Variants in CSMD3 observed in about 807,000 individuals in gnomAD.
The protein encoded by CSMD3 is CUB and sushi domain-containing protein 3.
A neutral mutation model predicts 435.2 loss-of-function variants in CSMD3; 177 were observed. That is an observed-to-expected ratio of 0.41 (90% CI 0.36 to 0.46). The LOEUF is 0.46. CSMD3 is among the 20% of genes least tolerant of loss of function. The pLI, the probability that CSMD3 is intolerant of heterozygous loss-of-function variation, is 0.34. For missense variants in CSMD3, 4,265 were observed against 4,504.6 expected (o/e 0.95, Z 1.52); for synonymous variants, 1,656 against 1,520.5 (o/e 1.09, Z -2.07).
chr8:113,308,514 T>C (rs899615828), intron 2 of CSMD3, among the ~76,000 whole-genome samples: 1 of 152,162 alleles, frequency 6.6e-6, no homozygotes, highest in African/African-American at 2.4e-5. Flanking sequence ...GTGATCCGCC[T>C]GCCTCGGCCT....
chr8:112,571,916 A>C (rs1829556930), intron 24 of CSMD3, among the ~76,000 whole-genome samples: 1 of 151,718 alleles, frequency 6.6e-6, no homozygotes, highest in Admixed American at 6.6e-5. Flanking sequence ...AAATAAAAGA[A>C]ATGCAACATG....
intron 5 of CSMD3, among the ~76,000 whole-genome samples, chr8:113,034,095 T>C (rs898196488): frequency 6.6e-6 from 1 of 151,650 alleles, no homozygotes; most frequent in Non-Finnish European, 1.5e-5. Context: ...AATTAACCTC[T>C]TTTGTTTATA....
chr8:112,339,049 T>C (rs992156156), intron 42 of CSMD3, among the ~76,000 whole-genome samples: 4 of 151,902 alleles, frequency 2.6e-5, no homozygotes, highest in Non-Finnish European at 5.9e-5. Flanking sequence ...TCAAACTAAA[T>C]TGAAAGGAAA....
At chr8:113,187,134 T>C (rs1409678314) in intron 3 of CSMD3, among the ~76,000 whole-genome samples, 2 of 151,668 alleles carry the variant, frequency 1.3e-5, no homozygotes, top group Admixed American at 6.6e-5. Flanking sequence ...TTCACTTTGC[T>C]GGGAGTTTTT....
chr8:112,561,339 C>CTGATA (rs1469167021), intron 24 of CSMD3, among the ~76,000 whole-genome samples: 2 of 151,732 alleles, frequency 1.3e-5, no homozygotes, highest in African/African-American at 4.8e-5. Context: ...CAAAAATGAA[C>CTGATA]TGATAATCCC....
intron 37 of CSMD3, among the ~76,000 whole-genome samples, chr8:112,381,486 C>A (rs1434860014): frequency 6.6e-6 from 1 of 152,206 alleles, no homozygotes; most frequent in African/African-American, 2.4e-5. Context: ...AATTCTACAT[C>A]TTAAGACATA....
chr8:113,264,931 T>C (rs2093457290), intron 3 of CSMD3, among the ~76,000 whole-genome samples: 1 of 151,612 alleles, frequency 6.6e-6, no homozygotes. Context: ...ATCAGCTGAG[T>C]TTAACAAGCA....
intron 8 of CSMD3, among the ~76,000 whole-genome samples, chr8:112,951,878 A>C (rs2083827298): frequency 6.6e-6 from 1 of 151,042 alleles, no homozygotes; most frequent in Admixed American, 6.6e-5. Flanking sequence ...TGAGTGGATA[A>C]TATGAATGAA....
At chr8:113,159,219 G>T (rs2091991589) in intron 4 of CSMD3, among the ~76,000 whole-genome samples, 1 of 151,580 alleles carries the variant, frequency 6.6e-6, no homozygotes, top group Non-Finnish European at 1.5e-5. Flanking sequence ...ATAAAAATAT[G>T]TATAATATGT....
At chr8:112,971,663 T>C (rs2130912736) in intron 7 of CSMD3, among the ~76,000 whole-genome samples, 1 of 152,288 alleles carries the variant, frequency 6.6e-6, no homozygotes, top group African/African-American at 2.4e-5. Context: ...GTCAAAAATA[T>C]TAAGTTCTCA....
At chr8:112,311,259 A>G in intron 49 of CSMD3, 93 bp from the exon 50 acceptor site, 1 of 963,886 alleles carries the variant, frequency 1.0e-6, no homozygotes. Flanking sequence ...AGTGCTTAAA[A>G]GTAGGTCAGT....
At chr8:113,064,391 T>G in intron 5 of CSMD3, among the ~76,000 whole-genome samples, 1 of 152,200 alleles carries the variant, frequency 6.6e-6, no homozygotes, top group South Asian at 2.1e-4. Context: ...GTTTAATATA[T>G]AACTTATTTA....
At chr8:113,107,886 A>C (rs2090527684) in intron 4 of CSMD3, among the ~76,000 whole-genome samples, 1 of 152,204 alleles carries the variant, frequency 6.6e-6, no homozygotes, top group Non-Finnish European at 1.5e-5. Context: ...ACTTAAAACT[A>C]CTATACCTAC....
At chr8:113,275,960 A>G (rs2093566354) in intron 3 of CSMD3, among the ~76,000 whole-genome samples, 1 of 152,110 alleles carries the variant, frequency 6.6e-6, no homozygotes, top group Non-Finnish European at 1.5e-5. Flanking sequence ...TAACTGCAGA[A>G]AAAAAACTGG....
intron 3 of CSMD3, among the ~76,000 whole-genome samples, chr8:113,250,878 G>A (rs999486900): frequency 3.9e-5 from 6 of 152,074 alleles, no homozygotes; most frequent in Non-Finnish European, 8.8e-5. Context: ...AGCCAGCGCG[G>A]AAGACAGCCA....
intron 13 of CSMD3, among the ~76,000 whole-genome samples, chr8:112,791,940 T>C (rs2078703253): frequency 6.6e-6 from 1 of 152,216 alleles, no homozygotes; most frequent in South Asian, 2.1e-4. Flanking sequence ...CTCTTTGTAG[T>C]TGTAATTTAC....
chr8:112,957,872 A>C (rs1255320342), intron 7 of CSMD3, among the ~76,000 whole-genome samples: 1 of 151,972 alleles, frequency 6.6e-6, no homozygotes, highest in African/African-American at 2.4e-5. Context: ...CAGCCTCCCA[A>C]GTAGCTGGGG....
At chr8:112,310,777 T>C (rs1821902960) in intron 50 of CSMD3, 6 of 668,406 alleles carry the variant, frequency 9.0e-6, no homozygotes, top group African/African-American at 1.8e-5. Flanking sequence ...TGCATAACAA[T>C]AATGAATAAT....
At chr8:113,180,381 T>A (rs2092406528) in intron 3 of CSMD3, among the ~76,000 whole-genome samples, 1 of 152,032 alleles carries the variant, frequency 6.6e-6, no homozygotes, top group Admixed American at 6.6e-5. Flanking sequence ...GGGACTTCAG[T>A]TTGAGCAAAC....
Sources: gnomAD v4.1 joint callset for allele counts (sites outside exome capture counted in the v4.1 genomes callset) on GRCh38, gnomAD v4.1.1 for gene constraint, MANE v1.5 for transcripts, NCBI Gene and HGNC (gene_info 2026-07-23, HGNC 2026-07-21) for gene names.